PCDHA3: variants seen among roughly 807,000 people sequenced by gnomAD.
PCDHA3 encodes the protein protocadherin alpha-3.
In PCDHA3, 41 loss-of-function variants were observed where a neutral mutation model predicts 62.2. The observed-to-expected ratio is 0.66, with a 90% CI of 0.51 to 0.86. The LOEUF (loss-of-function observed/expected upper bound fraction) is 0.86. Ranked by LOEUF, PCDHA3 falls within the 40% of genes least tolerant of loss-of-function variation. PCDHA3 has a pLI of 0.00. For synonymous variants in PCDHA3, 640 were observed against 555.4 expected (o/e 1.15, Z -2.14); for missense variants, 1,304 against 1,241.2 (o/e 1.05, Z -0.76).
intron 1 of PCDHA3, among the ~76,000 whole-genome samples, chr5:140,923,305 G>T (rs552769255): frequency 2.6e-5 from 4 of 152,186 alleles, no homozygotes; most frequent in Non-Finnish European, 5.9e-5. Context: ...GGGCGTGGGG[G>T]CGCTTGGCCT....
intron 1 of PCDHA3, chr5:140,849,988 G>A (rs2150461736): frequency 1.8e-5 from 29 of 1,597,364 alleles, no homozygotes; most frequent in African/African-American, 4.0e-5. Flanking sequence ...GTGGAGCGGC[G>A]GTTGGGCGAG....
chr5:140,823,275 G>A lies in PCDHA3; in HGVS notation c.2394+19684G>A, dbSNP rs2150124243. The stretch of plus-strand genomic sequence containing the variant: ...CGCTGGTGGAGCGGCGGGTGGGCGA[G>A]CGCCCGCTGTCGAGTTACGTTTCGG... On this transcript the variant is annotated intron_variant, in intron 1 of 3. Coordinates refer to ENST00000522353, the MANE Select transcript of PCDHA3 (RefSeq NM_018906.3). 9.9e-6 allele frequency: 16 copies of A among 1,612,480 alleles called. No homozygotes were observed. The East Asian group carries it at 1.6e-4, about 16-fold the overall frequency.
In PCDHA3 at chr5:140,807,279, TC is replaced by T. The variant is rs782359747; in HGVS notation, c.2394+3690del. 4 of 1,614,094 alleles carry T rather than the reference TC, an allele frequency of 2.5e-6. No homozygotes were observed. The African/African-American group carries it at 5.3e-5, about 22-fold the overall frequency. ...GCCTGGGAGGCAGGGAACGGTCAGCTCCACTACTCGGTCTCCGAGGAGGCCA... is the reference window on the plus strand; with the variant it reads ...GCCTGGGAGGCAGGGAACGGTCAGCTCACTACTCGGTCTCCGAGGAGGCCA... On this transcript the variant is annotated intron_variant, in intron 1 of 3. Coordinates refer to ENST00000522353, the MANE Select transcript of PCDHA3 (RefSeq NM_018906.3).
rs2150432848 is a variant in PCDHA3, at chr5:140,849,209, T to C, written c.2394+45618T>C. On this transcript the variant is annotated intron_variant, in intron 1 of 3. Coordinates refer to ENST00000522353, the MANE Select transcript of PCDHA3 (RefSeq NM_018906.3). ...TCACGGTACTGGACAACAATGACAA[T>C]GCCCCAGTGTTCGACAGAACCCTGT... 32 of 1,032,540 alleles carry C rather than the reference T, an allele frequency of 3.1e-5. 2 individuals carry two copies. In the African/African-American group the frequency reaches 5.7e-4, roughly 18 times the overall value. The allele number at this position is 1,032,540 out of a possible 1,614,324, so 64.0% of individuals were successfully genotyped here. A position where few individuals can be genotyped will look rare whatever the true frequency, so the allele number is the denominator to read the frequency against.
intron 1 of PCDHA3, among the ~76,000 whole-genome samples, chr5:140,901,492 C>T (rs548353886): frequency 1.3e-5 from 2 of 152,234 alleles, no homozygotes; most frequent in South Asian, 2.1e-4. Flanking sequence ...GCACCTTCAT[C>T]GAAAATGAGT....
chr5:140,887,540 C>T (rs1039020160), intron 1 of PCDHA3, among the ~76,000 whole-genome samples: 1 of 152,100 alleles, frequency 6.6e-6, no homozygotes. Flanking sequence ...CTCTCCCCAC[C>T]CCTCATGGTT....
chr5:140,981,699 T>A (rs1162840326), intron 2 of PCDHA3, among the ~76,000 whole-genome samples: 1 of 151,316 alleles, frequency 6.6e-6, no homozygotes, highest in Non-Finnish European at 1.5e-5. Context: ...CATTCATTCA[T>A]TCATTCATTC....
intron 1 of PCDHA3, chr5:140,805,335 G>T (rs1763546103): frequency 8.1e-7 from 1 of 1,231,160 alleles, no homozygotes; most frequent in Non-Finnish European, 1.0e-6. Flanking sequence ...TGATGTCAAT[G>T]ATCATTTTGT....
intron 1 of PCDHA3, among the ~76,000 whole-genome samples, chr5:140,956,861 A>T (rs2095316106): frequency 6.6e-6 from 1 of 152,194 alleles, no homozygotes; most frequent in Non-Finnish European, 1.5e-5. Flanking sequence ...TGGTTGAATG[A>T]ATGTGTGAAA....
At chr5:140,855,966 TAAGAA>T in intron 1 of PCDHA3, 1 of 1,422,780 alleles carries the variant, frequency 7.0e-7, no homozygotes, top group Non-Finnish European at 9.5e-7. Context: ...AAAATAGATA[TAAGAA>T]ATAGGACAGA....
rs375332226 is a variant in PCDHA3 at position 141,003,567 on chromosome 5, ACTCCCAAAGTG to A, written c.2543-6057_2543-6047del. Among the ~76,000 whole-genome samples, 186 of 152,020 alleles carry A rather than the reference ACTCCCAAAGTG, an allele frequency of 1.2e-3. 1 individual carries two copies. Among genetic ancestry groups the A allele is most frequent in the African/African-American group, 4.1e-3 (172 of 41,464 alleles). On this transcript the variant is annotated intron_variant, in intron 3 of 3. Coordinates refer to ENST00000522353, the MANE Select transcript of PCDHA3 (RefSeq NM_018906.3). ...GCTTCAAGTGATCCACCTGCCTCAGACTCCCAAAGTGCTGGGATTTTAGATGTGAGCCACCA... is the reference window on the plus strand; with the variant it reads ...GCTTCAAGTGATCCACCTGCCTCAGACTGGGATTTTAGATGTGAGCCACCA...
chr5:140,827,876 G>C (rs2150149560), intron 1 of PCDHA3: 2 of 646,280 alleles, frequency 3.1e-6, no homozygotes, highest in Non-Finnish European at 5.3e-6. Flanking sequence ...GCACTGTTAC[G>C]TGAATTGATT....
At chr5:140,980,616 G>A (rs2096898086) in intron 2 of PCDHA3, among the ~76,000 whole-genome samples, 4 of 151,912 alleles carry the variant, frequency 2.6e-5, no homozygotes, top group Admixed American at 2.0e-4. Context: ...GCGACAGTGC[G>A]AGACTCTGTC....
intron 1 of PCDHA3, chr5:140,824,610 G>T (rs1426239014): frequency 1.9e-3 from 177 of 95,052 alleles, no homozygotes; most frequent in South Asian, 7.2e-3. Flanking sequence ...GCTAATTAAA[G>T]TTTTTTTTTT....
intron 1 of PCDHA3, among the ~76,000 whole-genome samples, chr5:140,923,065 TCTC>T: frequency 6.6e-6 from 1 of 152,304 alleles, no homozygotes; most frequent in Non-Finnish European, 1.5e-5. Context: ...AAGAGCTAGG[TCTC>T]CTCATGTCAG....
At position 140,857,550 on chromosome 5, in the gene PCDHA3, G is replaced by A; in HGVS notation, c.2394+53959G>A. 4 of 1,596,852 alleles carry A rather than the reference G, an allele frequency of 2.5e-6. 1 individual carries two copies. The highest frequency in any genetic ancestry group is 3.4e-6 in the Non-Finnish European group (4 of 1,167,652). On this transcript the variant is annotated intron_variant, in intron 1 of 3. Coordinates refer to ENST00000522353, the MANE Select transcript of PCDHA3 (RefSeq NM_018906.3). ...CTGGTGGAGCGGCGGTTGGGCGAGC[G>A]CTCGCTGTCGAGCTACGTGTCGGTG...
intron 1 of PCDHA3, among the ~76,000 whole-genome samples, chr5:140,819,269 T>C (rs2150103634): frequency 0.058 from 8,891 of 152,232 alleles, 856 homozygotes; most frequent in African/African-American, 0.2. Context: ...ATAATTTCTA[T>C]AGATAAGAGA....
At position 141,009,957 on chromosome 5, in the gene PCDHA3, G is replaced by A; in HGVS notation, c.*20G>A. The stretch of plus-strand genomic sequence containing the variant: ...CAGTGAGGTCCTCAAATGGAAACAA[G>A]CCACTTAGCCAGTTTTTGTAATAAT... On this transcript the variant is annotated 3_prime_UTR_variant, in exon 4 of 4. Transcript: ENST00000522353. 1 of 1,589,160 alleles carries A rather than the reference G, an allele frequency of 6.3e-7. No individual in the cohort carries two copies. Among genetic ancestry groups the A allele is most frequent in the Non-Finnish European group, 8.5e-7 (1 of 1,171,102 alleles).
chr5:140,968,234 A>T (rs1426230655), intron 1 of PCDHA3: 1 of 1,613,870 alleles, frequency 6.2e-7, no homozygotes, highest in Non-Finnish European at 8.5e-7. Flanking sequence ...GTTGCTCTGT[A>T]CTGTGCAAGC....
Sources: gnomAD v4.1 joint callset for allele counts (sites outside exome capture counted in the v4.1 genomes callset) on GRCh38, gnomAD v4.1.1 for gene constraint, MANE v1.5 for transcripts, NCBI Gene and HGNC (gene_info 2026-07-23, HGNC 2026-07-21) for gene names.